SI: variants seen among roughly 807,000 people sequenced by gnomAD.
SI encodes the protein sucrase-isomaltase, intestinal.
SI carries 235 observed loss-of-function variants against 253.3 expected under a neutral mutation model. The observed-to-expected ratio is 0.93, with a 90% CI of 0.83 to 1.03. The LOEUF (loss-of-function observed/expected upper bound fraction) is 1.03, where lower values mean the gene tolerates loss of function less well. Ranked by LOEUF, SI falls within the 50% of genes least tolerant of loss-of-function variation. The pLI, the probability that SI is intolerant of heterozygous loss-of-function variation, is 0.00. For synonymous variants in SI, 819 were observed against 712.0 expected (o/e 1.15, Z -2.39); for missense variants, 2,442 against 2,211.1 (o/e 1.10, Z -2.09).
intron 16 of SI, among the ~76,000 whole-genome samples, chr3:165,046,319 T>TGTTTA (rs1297887784): frequency 6.6e-6 from 1 of 152,102 alleles, no homozygotes; most frequent in East Asian, 1.9e-4. Context: ...TGCTATGTTT[T>TGTTTA]TGTTTGATAG....
intron 17 of SI, among the ~76,000 whole-genome samples, chr3:165,042,205 T>G (rs1001315155): frequency 2.6e-5 from 4 of 152,100 alleles, no homozygotes; most frequent in African/African-American, 9.7e-5. Flanking sequence ...AAATCTCCCA[T>G]GGACACACAT....
In SI at chr3:165,040,029, C is replaced by T. The variant is rs558911872; in HGVS notation, c.2160-58G>A. ...ATGAAAAAATAAGTTTATCCAAATT[C>T]CTGGTTCAGTTTATCTTTTCAGTTT... On this transcript the variant is annotated intron_variant, in intron 18 of 47. Transcript: ENST00000264382. The T allele has an allele frequency of 3.1e-4, 416 of 1,347,032 alleles. 2 individuals are homozygous for T. The African/African-American group carries it at 5.0e-3, about 16-fold the overall frequency. The allele number at this position is 1,347,032 out of a possible 1,614,324, so 83.4% of individuals were successfully genotyped here.
At chr3:165,013,470 T>C (rs1718865776) in intron 33 of SI, among the ~76,000 whole-genome samples, 1 of 152,176 alleles carries the variant, frequency 6.6e-6, no homozygotes, top group Non-Finnish European at 1.5e-5. Context: ...AATAATGTCA[T>C]GCTGAATCAA....
In SI at chr3:164,996,527, T is replaced by C. The variant is rs1679915804; in HGVS notation, c.4692+8A>G. 2 of 1,348,462 alleles carry C rather than the reference T, an allele frequency of 1.5e-6. No homozygotes were observed. The highest frequency in any genetic ancestry group is 1.2e-5 in the South Asian group (1 of 85,692). 83.5% of individuals were successfully genotyped at this position (1,348,462 alleles called of 1,614,324 possible). ...AAAATACTGAAAGTAAATGTAGTAATTACATACTCTAGTATTTGCAATGTT... is the reference window on the plus strand; with the variant it reads ...AAAATACTGAAAGTAAATGTAGTAACTACATACTCTAGTATTTGCAATGTT... On this transcript the variant is annotated splice_region_variant and intron_variant, in intron 40 of 47. Transcript: ENST00000264382.
chr3:164,999,476 T>G (rs1050623544), intron 37 of SI, among the ~76,000 whole-genome samples: 3 of 151,734 alleles, frequency 2.0e-5, no homozygotes, highest in African/African-American at 7.2e-5. Context: ...AATAAAAATT[T>G]TATTTTTATA....
In SI at chr3:165,043,065, T is replaced by C. The variant is rs1712929669; in HGVS notation, c.1998A>G (p.Gly666=). ...GAGAACAAGAGGCTCTTACTTCATA[T>C]CCGTCAGAATTATGGTTTCTGGAAA... ...YPFSRNHNSD[G]YEHQDPAFFG... Residue 666 remains glycine (G), a synonymous_variant, in exon 17 of 48, where the codon GGA becomes GGG. Transcript: ENST00000264382. 8 of 1,588,536 alleles carry C rather than the reference T, an allele frequency of 5.0e-6. No individual in the cohort carries two copies. The East Asian group carries it at 1.8e-4, about 36-fold the overall frequency.
chr3:165,049,958 G>T, intron 13 of SI, 83 bp from the exon 14 acceptor site: 1 of 877,282 alleles, frequency 1.1e-6, no homozygotes, highest in Non-Finnish European at 1.9e-6. Context: ...GTTTGAAAAT[G>T]TTTTATATAA....
At chr3:165,090,103 A>G in the SI span, among the ~76,000 whole-genome samples, 1 of 151,756 alleles carries the variant, frequency 6.6e-6, no homozygotes, top group African/African-American at 2.4e-5. Context: ...GGAGTTAATT[A>G]GGAACTGAGG....
intron 6 of SI, among the ~76,000 whole-genome samples, chr3:165,066,254 A>G (rs1394479472): frequency 1.3e-5 from 2 of 151,982 alleles, no homozygotes; most frequent in African/African-American, 4.8e-5. Context: ...ATACAATTTT[A>G]TATAAGGAAC....
chr3:165,056,594 G>T (rs901488676), intron 12 of SI, among the ~76,000 whole-genome samples: 1 of 152,120 alleles, frequency 6.6e-6, no homozygotes, highest in Admixed American at 6.6e-5. Flanking sequence ...GAGAATCTGT[G>T]CACTTTCTGA....
rs1491356866 is a variant in SI at position 164,989,442 on chromosome 3, A to AG, written c.5108+1910_5108+1911insC. 2.0e-5 allele frequency among the ~76,000 whole-genome samples: 3 copies of AG among 149,496 alleles called. No individual in the cohort carries two copies. The East Asian group carries it at 5.9e-4, about 30-fold the overall frequency. On this transcript the variant is annotated intron_variant, in intron 44 of 47. Transcript: ENST00000264382. ...AAAGAAAGAAAGAAAGAAAGGAAAGAAAGAAGAGAGGAGAGGAGAGGAGAA... is the reference window on the plus strand; with the variant it reads ...AAAGAAAGAAAGAAAGAAAGGAAAGAGAAGAAGAGAGGAGAGGAGAGGAGAA...
chr3:165,063,612 T>C (rs1418424023), intron 7 of SI, 71 bp from the exon 8 acceptor site: 1 of 707,662 alleles, frequency 1.4e-6, no homozygotes, highest in Non-Finnish European at 2.5e-6. Flanking sequence ...ATATTTTATA[T>C]GCTCTTCATG....
chr3:165,067,355 C>T lies in SI; in HGVS notation c.620G>A (p.Ser207Asn), dbSNP rs773196195. Residue 207 changes from serine (S) to asparagine (N), a missense_variant, in exon 6 of 48, where the codon AGC (serine) becomes AAC (asparagine). Physicochemically the swap from Ser to Asn is conservative, Grantham distance 46. Coordinates refer to ENST00000264382, the MANE Select transcript of SI (RefSeq NM_001041.4). The stretch of plus-strand genomic sequence containing the variant: ...ATACACTTACAAAGTTTTACCGTTG[C>T]TTTTCCTAATAACTTGGATGCTAAA... ...NPFSIQVIRK[S>N]NGKTLFDTSI... The T allele has an allele frequency of 1.7e-5, 27 of 1,609,720 alleles. No individual in the cohort carries two copies. Among genetic ancestry groups the T allele is most frequent in the Non-Finnish European group, 2.1e-5 (25 of 1,177,100 alleles).
In SI at chr3:164,979,221, A is replaced by G. The variant is rs2108102755; in HGVS notation, c.*141T>C. On this transcript the variant is annotated 3_prime_UTR_variant, in exon 48 of 48. Transcript: ENST00000264382. ...ATAAAATTAGCATTATCATTGATGT[A>G]CGCTACAAAATAACTTTTCGATGTT... The G allele has an allele frequency of 1.5e-6, 1 of 682,240 alleles. No individual in the cohort carries two copies. Among genetic ancestry groups the G allele is most frequent in the Non-Finnish European group, 2.7e-6 (1 of 372,198 alleles). The allele number at this position is 682,240 out of a possible 1,614,324, so 42.3% of individuals were successfully genotyped here. A position where few individuals can be genotyped will look rare whatever the true frequency, so the allele number is the denominator to read the frequency against.
At position 165,021,254 on chromosome 3, in the gene SI, G is replaced by T; in HGVS notation, c.3229C>A (p.Arg1077=). The T allele has an allele frequency of 1.2e-6, 2 of 1,610,868 alleles. No homozygotes were observed. The highest frequency in any genetic ancestry group is 1.1e-5 in the South Asian group (1 of 91,032). The change falls in exon 27 of 48, where the codon CGA becomes AGA. Residue 1077 remains arginine (R), a synonymous_variant. Transcript: ENST00000264382. The part of the protein sequence containing the change: ...IKENPFGIQI[R]RRSSGRVIWD... ...ATGACTCTTCCACTGCTTCTCCGTCGAATCTGGATGCCAAAAGGATTTTCC... is the reference window on the plus strand; with the variant it reads ...ATGACTCTTCCACTGCTTCTCCGTCTAATCTGGATGCCAAAAGGATTTTCC...
intron 24 of SI, among the ~76,000 whole-genome samples, chr3:165,031,706 T>G (rs2108204394): frequency 6.6e-6 from 1 of 150,802 alleles, no homozygotes; most frequent in South Asian, 2.1e-4. Context: ...TTATTTATGG[T>G]AATATTACTA....
In SI at chr3:165,019,586, A is replaced by G. The variant is rs1031244553; in HGVS notation, c.3423+16T>C. On this transcript the variant is annotated intron_variant, in intron 28 of 47. Transcript: ENST00000264382. Reference sequence around the variant, plus strand: ...GTCTTAGTTGCCTCGTGGAGTGGTCATATGTTGGTACCTACACCAGGGGGT... The same window carrying G: ...GTCTTAGTTGCCTCGTGGAGTGGTCGTATGTTGGTACCTACACCAGGGGGT... The G allele has an allele frequency of 5.0e-6, 8 of 1,611,012 alleles. No homozygotes were observed. Among genetic ancestry groups the G allele is most frequent in the South Asian group, 4.4e-5 (4 of 91,038 alleles).
intron 3 of SI, among the ~76,000 whole-genome samples, chr3:165,073,062 A>G (rs1349374303): frequency 6.6e-6 from 1 of 152,136 alleles, no homozygotes; most frequent in Non-Finnish European, 1.5e-5. Flanking sequence ...CTAAAGACTA[A>G]TATTAGGCAA....
chr3:164,981,872 A>G (rs1717204544), intron 47 of SI, among the ~76,000 whole-genome samples: 1 of 152,176 alleles, frequency 6.6e-6, no homozygotes, highest in South Asian at 2.1e-4. Context: ...TGACAGTTTT[A>G]TTAAGTTTGC....
Sources: allele counts gnomAD v4.1 joint callset (sites outside exome capture counted in the v4.1 genomes callset), GRCh38; gene constraint gnomAD v4.1.1; transcripts MANE v1.5; gene names NCBI Gene and HGNC (gene_info 2026-07-23, HGNC 2026-07-21).